RELN: variants seen among roughly 807,000 people sequenced by gnomAD.
The protein encoded by RELN is reelin.
Under a neutral mutation model 427.6 loss-of-function variants are expected in RELN, and 108 were observed. The ratio of observed to expected loss-of-function variants is 0.25; its 90% CI spans 0.22 to 0.30. The LOEUF is 0.30. Among genes scored for constraint, RELN ranks in the 10% least tolerant of loss-of-function variants. RELN has a pLI of 1.00. For synonymous variants in RELN, 1,524 were observed against 1,513.4 expected (o/e 1.01, Z -0.16); for missense variants, 3,715 against 4,302.8 (o/e 0.86, Z 3.82).
intron 4 of RELN, among the ~76,000 whole-genome samples, chr7:103,769,039 C>T (rs1052592162): frequency 6.6e-6 from 1 of 152,166 alleles, no homozygotes; most frequent in Non-Finnish European, 1.5e-5. Context: ...CCCCACTGAT[C>T]TACTTCTGCT....
intron 49 of RELN, 59 bp downstream of exon 49, chr7:103,519,264 T>C: frequency 2.2e-6 from 3 of 1,345,576 alleles, no homozygotes; most frequent in East Asian, 2.3e-5. Context: ...CCGTGACTGA[T>C]TGCTGGTAGC....
chr7:103,811,800 C>G (rs1289858175), intron 3 of RELN, among the ~76,000 whole-genome samples: 6 of 152,172 alleles, frequency 3.9e-5, no homozygotes, highest in Admixed American at 1.3e-4. Flanking sequence ...TAAACCAACA[C>G]AGATTTTAAA....
chr7:103,712,004 C>T (rs1424633747), intron 8 of RELN, among the ~76,000 whole-genome samples: 1 of 152,046 alleles, frequency 6.6e-6, no homozygotes, highest in African/African-American at 2.4e-5. Flanking sequence ...CCTACATTGA[C>T]CCTCATAGAC....
chr7:103,529,861 A>G (rs1829901426), intron 46 of RELN, among the ~76,000 whole-genome samples: 1 of 151,952 alleles, frequency 6.6e-6, no homozygotes, highest in Admixed American at 6.6e-5. Flanking sequence ...TTTTAAATTT[A>G]TTACTCTCTA....
At chr7:103,623,258 C>T (rs1329586677) in intron 20 of RELN, among the ~76,000 whole-genome samples, 8 of 152,292 alleles carry the variant, frequency 5.3e-5, no homozygotes, top group Admixed American at 2.0e-4. Context: ...CCATCTCACC[C>T]GGACTGACTT....
rs1306857837 is a variant in RELN, at chr7:103,472,021, C to T, written c.*791G>A. ...TTACAAATCACTCTGTTATCACAGA[C>T]AAAAAATGGCAGTTACTGTTAGTAA... On this transcript the variant is annotated 3_prime_UTR_variant, in exon 65 of 65. Coordinates refer to ENST00000428762, the MANE Select transcript of RELN (RefSeq NM_005045.4). The T allele has an allele frequency of 2.6e-5, 4 of 152,328 alleles. No individual in the cohort carries two copies. The highest frequency in any genetic ancestry group is 5.9e-5 in the Non-Finnish European group (4 of 67,958). 9.4% of individuals were successfully genotyped at this position (152,328 alleles called of 1,614,324 possible). A position where few individuals can be genotyped will look rare whatever the true frequency, so the allele number is the denominator to read the frequency against.
chr7:103,498,130 C>T lies in RELN; in HGVS notation c.8790G>A (p.Gly2930=), dbSNP rs1408308281. The change falls in exon 54 of 65, where the codon GGG becomes GGA. Residue 2930 remains glycine (G), a synonymous_variant. Coordinates refer to ENST00000428762, the MANE Select transcript of RELN (RefSeq NM_005045.4). ...ILAEDTALYF[G]GSTVRQAVTQ... is the part of the protein sequence containing the mutation. ...TAACCGCTTGTCTCACAGTGGATCCCCCAAAATAGAGTGCAGTGTCCTCGG... is the reference window on the plus strand; with the variant it reads ...TAACCGCTTGTCTCACAGTGGATCCTCCAAAATAGAGTGCAGTGTCCTCGG... The T allele has an allele frequency of 1.9e-6, 3 of 1,613,934 alleles. No individual in the cohort carries two copies. The highest frequency in any genetic ancestry group is 1.7e-5 in the Admixed American group (1 of 59,970).
At chr7:103,730,109 T>C (rs1790316095) in intron 6 of RELN, among the ~76,000 whole-genome samples, 1 of 152,022 alleles carries the variant, frequency 6.6e-6, no homozygotes, top group Non-Finnish European at 1.5e-5. Flanking sequence ...ACATCAACTT[T>C]GACAGAGAAA....
intron 40 of RELN, among the ~76,000 whole-genome samples, chr7:103,552,247 C>T (rs970669112): frequency 6.6e-6 from 1 of 152,114 alleles, no homozygotes; most frequent in African/African-American, 2.4e-5. Context: ...GCACGCAATT[C>T]TTTCTATAAA....
At chr7:103,666,205 A>T (rs1833263628) in intron 11 of RELN, among the ~76,000 whole-genome samples, 1 of 151,916 alleles carries the variant, frequency 6.6e-6, no homozygotes, top group Admixed American at 6.6e-5. Context: ...AGTAGCTGAG[A>T]CTACAAGGAG....
Position 103,964,001 on chromosome 7 carries a change from A to C in RELN, c.226+25130T>G, listed in dbSNP as rs190727224. Among the ~76,000 whole-genome samples, 16 of 152,208 alleles carry C rather than the reference A, an allele frequency of 1.1e-4. No individual in the cohort carries two copies. In the East Asian group the frequency reaches 2.7e-3, roughly 26 times the overall value. On this transcript the variant is annotated intron_variant, in intron 1 of 64. Coordinates refer to ENST00000428762, the MANE Select transcript of RELN (RefSeq NM_005045.4). ...ACAGAGAAACCCCATTTCTATAAAA[A>C]TAAAAAAATCAGCCAGGCATGGTGG...
In RELN at chr7:103,937,256, T is replaced by C. The variant is rs112352695; in HGVS notation, c.227-20071A>G. Among the ~76,000 whole-genome samples, 1,161 of 152,326 alleles carry C rather than the reference T, an allele frequency of 7.6e-3. 19 individuals carry two copies. The highest frequency in any genetic ancestry group is 0.027 in the African/African-American group (1,103 of 41,574). On this transcript the variant is annotated intron_variant, in intron 1 of 64. Transcript: ENST00000428762. ...AAATCACCTGTCACACTAACTTTACTAGAAAGATCAATTTATCTTTAAAAT... is the reference window on the plus strand; with the variant it reads ...AAATCACCTGTCACACTAACTTTACCAGAAAGATCAATTTATCTTTAAAAT...
chr7:103,493,642 T>C (rs1828738244), intron 57 of RELN, among the ~76,000 whole-genome samples: 1 of 151,976 alleles, frequency 6.6e-6, no homozygotes, highest in African/African-American at 2.4e-5. Flanking sequence ...TACTGAGAAA[T>C]GCTGACATTT....
At chr7:103,790,676 G>A (rs1253496523) in intron 3 of RELN, among the ~76,000 whole-genome samples, 5 of 152,012 alleles carry the variant, frequency 3.3e-5, no homozygotes, top group African/African-American at 1.2e-4. Flanking sequence ...CTTTAAAGAA[G>A]AAAATAGGCA....
At chr7:103,949,022 CAAAA>C (rs66678362) in intron 1 of RELN, among the ~76,000 whole-genome samples, 2,024 of 88,594 alleles carry the variant, frequency 0.023, 26 homozygotes, top group African/African-American at 0.09. Flanking sequence ...ACATTGTCTC[CAAAA>C]AAAAAAAAAA....
At chr7:103,756,758 G>T (rs1381460529) in intron 4 of RELN, among the ~76,000 whole-genome samples, 1 of 151,750 alleles carries the variant, frequency 6.6e-6, no homozygotes, top group East Asian at 1.9e-4. Flanking sequence ...AGTTAGGAAG[G>T]TTTAATATAT....
intron 31 of RELN, among the ~76,000 whole-genome samples, chr7:103,568,651 T>C (rs1429126423): frequency 1.3e-5 from 2 of 152,216 alleles, no homozygotes; most frequent in African/African-American, 4.8e-5. Context: ...TCAAGATATG[T>C]CCTATGGGCT....
chr7:103,524,582 G>A (rs980467147), intron 46 of RELN, among the ~76,000 whole-genome samples: 2 of 152,090 alleles, frequency 1.3e-5, no homozygotes, highest in African/African-American at 4.8e-5. Flanking sequence ...GACTTTTAGA[G>A]GAAACCATTT....
chr7:103,938,711 C>T (rs1337990837), intron 1 of RELN, among the ~76,000 whole-genome samples: 1 of 152,124 alleles, frequency 6.6e-6, no homozygotes, highest in Non-Finnish European at 1.5e-5. Context: ...ATAAATGAGT[C>T]ACCACATTAG....
Sources: allele counts gnomAD v4.1 joint callset (sites outside exome capture counted in the v4.1 genomes callset), GRCh38; gene constraint gnomAD v4.1.1; transcripts MANE v1.5; gene names NCBI Gene and HGNC (gene_info 2026-07-23, HGNC 2026-07-21).